IL1RAPL2: variants seen among roughly 807,000 people sequenced by gnomAD.
IL1RAPL2 encodes the protein interleukin 1 receptor accessory protein like 2.
In IL1RAPL2, 3 loss-of-function variants were observed where a neutral mutation model predicts 44.1. That is an observed-to-expected ratio of 0.07 (90% CI 0.03 to 0.18). The LOEUF is 0.18. Ranked by LOEUF, IL1RAPL2 falls within the 10% of genes least tolerant of loss-of-function variation. IL1RAPL2 has a pLI of 1.00. For missense variants in IL1RAPL2, 391 were observed against 496.4 expected, an observed-to-expected ratio of 0.79 and a Z score of 2.02; for synonymous variants, 181 against 178.8, an observed-to-expected ratio of 1.01 and a Z score of -0.10.
At chrX:104,971,675 G>C (rs1263664206) in intron 2 of IL1RAPL2, among the ~76,000 whole-genome samples, 1 of 111,224 alleles carries the variant, frequency 9.0e-6, no homozygotes, top group Non-Finnish European at 1.9e-5. Flanking sequence ...ACCTGTGTTG[G>C]TGGCTAAATA....
intron 1 of IL1RAPL2, among the ~76,000 whole-genome samples, chrX:104,625,839 A>G (rs1052489717): frequency 9.9e-5 from 11 of 111,488 alleles, no homozygotes; most frequent in African/African-American, 3.6e-4. Flanking sequence ...TAATGGTATG[A>G]CGAAATGGAG....
Position 104,740,283 on chromosome X carries a change from T to G in IL1RAPL2, c.82+81288T>G, listed in dbSNP as rs780651144. Among the ~76,000 whole-genome samples the G allele has an allele frequency of 2.7e-5, 3 of 110,906 alleles. No homozygotes were observed. The South Asian group carries it at 1.2e-3, about 43-fold the overall frequency. On this transcript the variant is annotated intron_variant, in intron 2 of 10. Coordinates refer to ENST00000372582, the MANE Select transcript of IL1RAPL2 (RefSeq NM_017416.2). ...GGTAGGAATGTCATTGGGTAGACAA[T>G]GTATTTGATTTGCTGGTGAGGACAC...
intron 10 of IL1RAPL2, among the ~76,000 whole-genome samples, chrX:105,766,488 CCATA>C (rs1218993334): frequency 4.5e-5 from 5 of 110,521 alleles, no homozygotes; most frequent in Non-Finnish European, 7.6e-5. Flanking sequence ...AAACTAGGGG[CCATA>C]CATACAGTTA....
At chrX:105,729,651 CTATT>C (rs1406490700) in intron 7 of IL1RAPL2, among the ~76,000 whole-genome samples, 3 of 109,961 alleles carry the variant, frequency 2.7e-5, no homozygotes, top group Non-Finnish European at 3.8e-5. Context: ...TATGGCTTAG[CTATT>C]TATTCTTTCA....
At chrX:105,266,919 C>CA (rs2034407420) in intron 4 of IL1RAPL2, among the ~76,000 whole-genome samples, 1 of 111,268 alleles carries the variant, frequency 9.0e-6, no homozygotes, top group Non-Finnish European at 1.9e-5. Context: ...ACTTCATTGC[C>CA]AATATAAAAT....
In IL1RAPL2 at chrX:105,343,863, G is replaced by A. The variant is rs752129099; in HGVS notation, c.697+76322G>A. ...TGCTTTTCTTTCTTTTTTACTTTTC[G>A]TTATTGTCAAAGTTTTCTTTTTTTT... On this transcript the variant is annotated intron_variant, in intron 5 of 10. Transcript: ENST00000372582. Among the ~76,000 whole-genome samples, 42 of 107,544 alleles carry A rather than the reference G, an allele frequency of 3.9e-4. No homozygotes were observed. In the East Asian group the frequency reaches 6.8e-3, roughly 18 times the overall value. The allele number at this position is 107,544 out of a possible 115,157, so 93.4% of individuals were successfully genotyped here.
chrX:104,837,063 C>CT (rs749799209), intron 2 of IL1RAPL2, among the ~76,000 whole-genome samples: 1 of 111,587 alleles, frequency 9.0e-6, no homozygotes, highest in Admixed American at 9.5e-5. Context: ...TTATCTCATT[C>CT]TTTTTTATGG....
At chrX:105,246,710 G>A (rs147283300) in intron 4 of IL1RAPL2, among the ~76,000 whole-genome samples, 2,722 of 111,623 alleles carry the variant, frequency 0.024, 81 homozygotes, top group African/African-American at 0.083. Flanking sequence ...AAAGAACTCA[G>A]ATAAGACAAA....
At chrX:105,452,893 A>G (rs979140506) in intron 5 of IL1RAPL2, among the ~76,000 whole-genome samples, 8 of 112,432 alleles carry the variant, frequency 7.1e-5, no homozygotes, top group African/African-American at 1.9e-4. Flanking sequence ...TAGCCCTGCA[A>G]TGGGCATTTT....
chrX:105,426,757 A>G (rs2035813709), intron 5 of IL1RAPL2, among the ~76,000 whole-genome samples: 1 of 110,993 alleles, frequency 9.0e-6, no homozygotes, highest in South Asian at 3.8e-4. Context: ...GAATAAATGA[A>G]TTGCTAATGT....
chrX:104,897,164 T>C (rs1923676897), intron 2 of IL1RAPL2, among the ~76,000 whole-genome samples: 1 of 112,056 alleles, frequency 8.9e-6, no homozygotes, highest in African/African-American at 3.2e-5. Flanking sequence ...TGGTCACTTA[T>C]CAGGATCACA....
intron 2 of IL1RAPL2, among the ~76,000 whole-genome samples, chrX:104,848,380 T>C (rs1273695539): frequency 1.0e-5 from 1 of 100,081 alleles, no homozygotes. Flanking sequence ...ATAAGTTTTT[T>C]ATACAAATTT....
chrX:105,766,123 A>G (rs2038727114), intron 10 of IL1RAPL2, among the ~76,000 whole-genome samples: 1 of 112,414 alleles, frequency 8.9e-6, no homozygotes, highest in Non-Finnish European at 1.9e-5. Context: ...TCTACCATGT[A>G]AAAGCCATAG....
chrX:105,162,859 G>T (rs1251099364), intron 2 of IL1RAPL2, among the ~76,000 whole-genome samples: 1 of 111,759 alleles, frequency 8.9e-6, no homozygotes, highest in Non-Finnish European at 1.9e-5. Context: ...CATAGACAGT[G>T]CCCTCTAGTT....
intron 1 of IL1RAPL2, among the ~76,000 whole-genome samples, chrX:104,608,041 A>G (rs1468221977): frequency 9.0e-6 from 1 of 110,757 alleles, no homozygotes; most frequent in Non-Finnish European, 1.9e-5. Flanking sequence ...ATGGAATACT[A>G]TGCAGCCATA....
At chrX:105,077,953 G>A (rs368305925) in intron 2 of IL1RAPL2, among the ~76,000 whole-genome samples, 2 of 110,689 alleles carry the variant, frequency 1.8e-5, no homozygotes, top group African/African-American at 6.6e-5. Flanking sequence ...AATTTTTTTC[G>A]AAGTTTTTAA....
At chrX:105,016,584 G>A (rs2031181733) in intron 2 of IL1RAPL2, among the ~76,000 whole-genome samples, 1 of 111,603 alleles carries the variant, frequency 9.0e-6, no homozygotes, top group Non-Finnish European at 1.9e-5. Context: ...TATATTTTTT[G>A]TCTTTGGTTC....
chrX:105,142,685 T>C (rs1174663862), intron 2 of IL1RAPL2, among the ~76,000 whole-genome samples: 1 of 109,844 alleles, frequency 9.1e-6, no homozygotes. Context: ...CATGCAGGTT[T>C]GTTACATATG....
intron 2 of IL1RAPL2, among the ~76,000 whole-genome samples, chrX:104,736,470 T>C (rs779739868): frequency 8.9e-6 from 1 of 111,958 alleles, no homozygotes; most frequent in Non-Finnish European, 1.9e-5. Flanking sequence ...CCAGAACTTC[T>C]TTTCTCTCCT....
Sources: gnomAD v4.1 joint callset for allele counts (sites outside exome capture counted in the v4.1 genomes callset) on GRCh38, gnomAD v4.1.1 for gene constraint, MANE v1.5 for transcripts, NCBI Gene and HGNC (gene_info 2026-07-23, HGNC 2026-07-21) for gene names.